LRBA: variants seen among roughly 807,000 people sequenced by gnomAD.
The protein encoded by LRBA is LPS responsive beige-like anchor protein.
Under a neutral mutation model 330.0 loss-of-function variants are expected in LRBA, and 176 were observed. The ratio of observed to expected loss-of-function variants is 0.53; its 90% CI spans 0.47 to 0.60. The LOEUF is 0.60. Among genes scored for constraint, LRBA ranks in the 20% least tolerant of loss-of-function variants. The pLI, the probability that LRBA is intolerant of heterozygous loss-of-function variation, is 0.00. For synonymous variants in LRBA, 1,230 were observed against 1,193.0 expected, an observed-to-expected ratio of 1.03 and a Z score of -0.64; for missense variants, 3,259 against 3,444.8, an observed-to-expected ratio of 0.95 and a Z score of 1.35.
chr4:150,508,572 GC>G (rs1375537005), intron 40 of LRBA, among the ~76,000 whole-genome samples: 1 of 152,178 alleles, frequency 6.6e-6, no homozygotes, highest in African/African-American at 2.4e-5. Context: ...ATAGGCAGGA[GC>G]CACCACGTCC....
At chr4:150,902,906 C>A (rs1481444448) in intron 13 of LRBA, among the ~76,000 whole-genome samples, 1 of 152,156 alleles carries the variant, frequency 6.6e-6, no homozygotes. Context: ...TGAGAACCAC[C>A]ACTGTAGGGA....
chr4:150,595,150 A>G (rs1302190569), intron 38 of LRBA, among the ~76,000 whole-genome samples: 3 of 152,024 alleles, frequency 2.0e-5, no homozygotes, highest in African/African-American at 7.2e-5. Context: ...AATATCTTAT[A>G]ATCAACTATT....
intron 2 of LRBA, among the ~76,000 whole-genome samples, chr4:150,949,319 AT>A (rs1256088286): frequency 6.6e-6 from 1 of 152,052 alleles, no homozygotes. Context: ...CAGAGAACCA[AT>A]TGGTTTTTTT....
intron 2 of LRBA, among the ~76,000 whole-genome samples, chr4:150,965,125 T>C (rs1738730703): frequency 6.6e-6 from 1 of 152,142 alleles, no homozygotes; most frequent in South Asian, 2.1e-4. Context: ...AGCAATTATA[T>C]CTCTAAGAAT....
intron 40 of LRBA, among the ~76,000 whole-genome samples, chr4:150,504,619 G>A (rs1344989403): frequency 6.6e-6 from 1 of 152,168 alleles, no homozygotes; most frequent in Non-Finnish European, 1.5e-5. Context: ...GGAACAACTG[G>A]TACCAGCCAC....
At chr4:150,754,883 A>C (rs1431799326) in intron 35 of LRBA, among the ~76,000 whole-genome samples, 1 of 152,186 alleles carries the variant, frequency 6.6e-6, no homozygotes. Context: ...TCCAAGTGAT[A>C]ATCTCTACCT....
chr4:150,412,853 T>C (rs1747201795), intron 47 of LRBA, among the ~76,000 whole-genome samples: 2 of 151,312 alleles, frequency 1.3e-5, no homozygotes, highest in Non-Finnish European at 2.9e-5. Context: ...ATATATTGTA[T>C]AAATATTTAA....
chr4:150,551,923 G>A (rs1383544165), intron 40 of LRBA, among the ~76,000 whole-genome samples: 2 of 152,048 alleles, frequency 1.3e-5, no homozygotes, highest in Admixed American at 6.6e-5. Context: ...AACTGATTTC[G>A]TGGAAGACAA....
At chr4:150,503,373 G>C (rs1305154720) in intron 40 of LRBA, among the ~76,000 whole-genome samples, 1 of 152,148 alleles carries the variant, frequency 6.6e-6, no homozygotes, top group Non-Finnish European at 1.5e-5. Flanking sequence ...GGAACGATCA[G>C]GCAGCAGCAT....
intron 48 of LRBA, among the ~76,000 whole-genome samples, chr4:150,340,214 A>G (rs1031848262): frequency 2.6e-5 from 4 of 152,168 alleles, no homozygotes; most frequent in African/African-American, 7.2e-5. Context: ...ATGTCCTCAT[A>G]GCAGCATGAG....
At chr4:150,829,653 C>A (rs921265766) in intron 29 of LRBA, among the ~76,000 whole-genome samples, 1 of 152,158 alleles carries the variant, frequency 6.6e-6, no homozygotes, top group Non-Finnish European at 1.5e-5. Context: ...TCCCTGATTT[C>A]TTAAGTTGGA....
chr4:150,579,689 G>C (rs1261095165), intron 40 of LRBA: 4 of 456,648 alleles, frequency 8.8e-6, no homozygotes, highest in African/African-American at 8.0e-5. Context: ...TGTCCGGCGA[G>C]TGGTGGCGCG....
At chr4:150,597,177 G>C in intron 38 of LRBA, 1 of 787,110 alleles carries the variant, frequency 1.3e-6, no homozygotes, top group South Asian at 1.9e-5. Flanking sequence ...TAATCAGAGT[G>C]AAATCTACTT....
intron 44 of LRBA, among the ~76,000 whole-genome samples, chr4:150,462,387 G>A (rs1754885748): frequency 6.6e-6 from 1 of 151,736 alleles, no homozygotes; most frequent in Admixed American, 6.6e-5. Flanking sequence ...GAATAAAATA[G>A]ATTTGATCTT....
chr4:150,610,290 A>G (rs1253187690), intron 37 of LRBA, among the ~76,000 whole-genome samples: 1 of 152,128 alleles, frequency 6.6e-6, no homozygotes, highest in Non-Finnish European at 1.5e-5. Flanking sequence ...TGGGAGAAAG[A>G]GTAAAAAGAG....
chr4:150,766,629 A>G (rs1183786819), intron 34 of LRBA, among the ~76,000 whole-genome samples: 2 of 152,298 alleles, frequency 1.3e-5, no homozygotes, highest in East Asian at 3.9e-4. Context: ...GTGAGTTTTA[A>G]TAGTTAAAAG....
intron 49 of LRBA, among the ~76,000 whole-genome samples, chr4:150,323,216 C>T (rs1018090647): frequency 1.3e-4 from 20 of 151,972 alleles, no homozygotes; most frequent in Non-Finnish European, 1.0e-4. Flanking sequence ...GAAAATATCC[C>T]ATAAGCTAAT....
At chr4:150,808,432 TCTG>T in intron 31 of LRBA, 34 bp from the exon 32 acceptor site, 1 of 1,258,050 alleles carries the variant, frequency 7.9e-7, no homozygotes, top group East Asian at 2.3e-5. Flanking sequence ...ATAGGAATTT[TCTG>T]CTTTTAGATA....
At chr4:150,473,124 C>T (rs1756339495) in intron 42 of LRBA, among the ~76,000 whole-genome samples, 1 of 152,100 alleles carries the variant, frequency 6.6e-6, no homozygotes, top group African/African-American at 2.4e-5. Context: ...ATCTCCACAT[C>T]CTTGCCAATA....
Sources: allele counts gnomAD v4.1 joint callset (sites outside exome capture counted in the v4.1 genomes callset), GRCh38; gene constraint gnomAD v4.1.1; transcripts MANE v1.5; gene names NCBI Gene and HGNC (gene_info 2026-07-23, HGNC 2026-07-21).